RBM20: variants seen among roughly 807,000 people sequenced by gnomAD.
RBM20 encodes RNA-binding protein 20.
Under a neutral mutation model 110.1 loss-of-function variants are expected in RBM20, and 51 were observed. That is an observed-to-expected ratio of 0.46 (90% confidence interval 0.37 to 0.59). The LOEUF (loss-of-function observed/expected upper bound fraction) is 0.59. Ranked by LOEUF, RBM20 falls within the 20% of genes least tolerant of loss-of-function variation. RBM20 has a pLI of 0.00. For missense variants in RBM20, 1,512 were observed against 1,574.9 expected (o/e 0.96, Z 0.68); for synonymous variants, 589 against 618.2 (o/e 0.95, Z 0.70).
At position 110,780,782 on chromosome 10, in the gene RBM20, G is replaced by C; in HGVS notation, c.192-19G>C. ...TCATTGAAAACCAGCTGTGCATCTA[G>C]ACCTCTGTCTTCCCACAGTGCCGCC... On this transcript the variant is annotated intron_variant, in intron 1 of 13. Coordinates refer to ENST00000369519, the MANE Select transcript of RBM20 (RefSeq NM_001134363.3). 1 of 1,495,728 alleles carries C rather than the reference G, an allele frequency of 6.7e-7. No homozygotes were observed. The highest frequency in any genetic ancestry group is 8.9e-7 in the Non-Finnish European group (1 of 1,117,402). 92.7% of individuals were successfully genotyped at this position (1,495,728 alleles called of 1,614,324 possible).
chr10:110,690,605 C>A (rs945842069), intron 1 of RBM20, among the ~76,000 whole-genome samples: 4 of 152,148 alleles, frequency 2.6e-5, no homozygotes, highest in Admixed American at 2.6e-4. Flanking sequence ...ATGAATTTGC[C>A]TATTTTAGGT....
chr10:110,655,652 T>C (rs1862012210), intron 1 of RBM20, among the ~76,000 whole-genome samples: 1 of 152,214 alleles, frequency 6.6e-6, no homozygotes, highest in African/African-American at 2.4e-5. Flanking sequence ...TCAGCTAGTC[T>C]CTGCCAGACA....
At chr10:110,805,830 C>G (rs975191675) in intron 7 of RBM20, among the ~76,000 whole-genome samples, 3 of 152,140 alleles carry the variant, frequency 2.0e-5, no homozygotes, top group African/African-American at 4.8e-5. Flanking sequence ...GTAGTTGGTC[C>G]CTTGTGGGGC....
rs1220240959 is a variant in RBM20, at chr10:110,821,659, G to T, written c.3040G>T (p.Glu1014Ter). ...LDAERKPAES[E>*]TGLSLEDSDC... ...TGCTGAGCGGAAGCCAGCTGAAAGT[G>T]AGACAGGCCTCTCCCTGGAGGATTC... is the stretch of plus-strand genomic sequence containing the variant. Residue 1014 changes from glutamate to a stop codon, truncating the protein, a stop_gained, in exon 11 of 14, where the codon GAG (glutamate) becomes TAG (stop). Coordinates refer to ENST00000369519, the MANE Select transcript of RBM20 (RefSeq NM_001134363.3). LOFTEE classifies it high-confidence loss of function. 1.9e-6 allele frequency: 3 copies of T among 1,551,682 alleles called. No individual in the cohort carries two copies. Among genetic ancestry groups the T allele is most frequent in the Non-Finnish European group, 2.6e-6 (3 of 1,147,026 alleles).
chr10:110,727,638 C>A lies in RBM20; in HGVS notation c.192-53163C>A, dbSNP rs550468387. Reference sequence around the variant, plus strand: ...TTATCAGTTAATTTTGTATATTTTTCTTTTTTTAATTTTACTTTAGGTTCT... The same window carrying A: ...TTATCAGTTAATTTTGTATATTTTTATTTTTTTAATTTTACTTTAGGTTCT... On this transcript the variant is annotated intron_variant, in intron 1 of 13. Transcript: ENST00000369519. Among the ~76,000 whole-genome samples the A allele has an allele frequency of 2.6e-5, 4 of 152,082 alleles. No individual in the cohort carries two copies. In the South Asian group the frequency reaches 8.3e-4, roughly 32 times the overall value.
intron 1 of RBM20, among the ~76,000 whole-genome samples, chr10:110,731,051 A>G (rs562040161): frequency 1.3e-3 from 202 of 152,154 alleles, no homozygotes; most frequent in Non-Finnish European, 2.2e-3. Flanking sequence ...AAGTATTTCC[A>G]GTGGTTCATT....
intron 1 of RBM20, among the ~76,000 whole-genome samples, chr10:110,723,205 TATC>T (rs1325904715): frequency 5.9e-5 from 9 of 151,818 alleles, no homozygotes; most frequent in Admixed American, 5.9e-4. Flanking sequence ...GTAAGTCACA[TATC>T]ATGAAATTCA....
chr10:110,778,931 C>T (rs566396332), intron 1 of RBM20, among the ~76,000 whole-genome samples: 2 of 152,290 alleles, frequency 1.3e-5, no homozygotes, highest in African/African-American at 4.8e-5. Context: ...CAGTAAGATT[C>T]GGTGAGAGTC....
chr10:110,816,438 A>G (rs148293464), intron 9 of RBM20, among the ~76,000 whole-genome samples: 1 of 144,372 alleles, frequency 6.9e-6, no homozygotes, highest in Non-Finnish European at 1.5e-5. Context: ...CCATCTCAAC[A>G]CCCCAACCTG....
intron 1 of RBM20, among the ~76,000 whole-genome samples, chr10:110,764,197 T>C (rs185076788): frequency 2.6e-5 from 4 of 152,304 alleles, no homozygotes; most frequent in Admixed American, 2.6e-4. Context: ...CTGATGTAGC[T>C]GGATTGCTAA....
At chr10:110,658,086 A>G (rs1359508402) in intron 1 of RBM20, among the ~76,000 whole-genome samples, 1 of 152,180 alleles carries the variant, frequency 6.6e-6, no homozygotes, top group South Asian at 2.1e-4. Context: ...AATTATGACC[A>G]TGGAAGTCGG....
In RBM20 at chr10:110,781,830, C is replaced by T; in HGVS notation, c.1221C>T (p.Pro407=). The T allele has an allele frequency of 6.4e-7, 1 of 1,551,784 alleles. No individual in the cohort carries two copies. The highest frequency in any genetic ancestry group is 8.7e-7 in the Non-Finnish European group (1 of 1,147,018). The stretch of plus-strand genomic sequence containing the variant: ...TGAACGACTTTCACGGTGTGGCCCC[C>T]CTCCACTTGCCGCATATCTGTAGCA... ...HELNDFHGVA[P]LHLPHICSIC... The change falls in exon 2 of 14, where the codon CCC becomes CCT. Residue 407 remains proline, a synonymous_variant. Transcript: ENST00000369519.
chr10:110,819,957 T>C (rs534885023), intron 9 of RBM20, 115 bp from the exon 10 acceptor site: 16 of 590,174 alleles, frequency 2.7e-5, no homozygotes, highest in Non-Finnish European at 4.1e-5. Flanking sequence ...ATAAAGGAAA[T>C]GCTGTATGTG....
At chr10:110,715,064 A>C (rs1862995238) in intron 1 of RBM20, among the ~76,000 whole-genome samples, 1 of 152,210 alleles carries the variant, frequency 6.6e-6, no homozygotes, top group Admixed American at 6.5e-5. Flanking sequence ...CCTGGTCAAC[A>C]TGGTGAAACC....
intron 6 of RBM20, among the ~76,000 whole-genome samples, chr10:110,797,882 G>T (rs1027649779): frequency 2.0e-5 from 3 of 152,162 alleles, no homozygotes; most frequent in Non-Finnish European, 4.4e-5. Flanking sequence ...GAGGTGAGAG[G>T]AGATGCTTTG....
intron 5 of RBM20, among the ~76,000 whole-genome samples, chr10:110,791,079 T>C (rs577481046): frequency 6.6e-6 from 1 of 152,342 alleles, no homozygotes; most frequent in African/African-American, 2.4e-5. Context: ...CTATAAAATA[T>C]TTGAAAGCAT....
At chr10:110,727,184 A>C (rs191653395) in intron 1 of RBM20, among the ~76,000 whole-genome samples, 1 of 132,080 alleles carries the variant, frequency 7.6e-6, no homozygotes, top group Admixed American at 8.0e-5. Flanking sequence ...CTATTAAGAA[A>C]TTCCCCCTTT....
chr10:110,735,258 C>G, intron 1 of RBM20, among the ~76,000 whole-genome samples: 1 of 152,098 alleles, frequency 6.6e-6, no homozygotes, highest in East Asian at 1.9e-4. Flanking sequence ...TGGTACTATC[C>G]AAGGTTTCTG....
intron 13 of RBM20, among the ~76,000 whole-genome samples, chr10:110,832,986 T>C (rs1205817080): frequency 1.3e-5 from 2 of 152,132 alleles, no homozygotes; most frequent in Non-Finnish European, 2.9e-5. Context: ...CAATCCCTTT[T>C]CCCAACAAGA....
Sources: gnomAD v4.1 joint callset for allele counts (sites outside exome capture counted in the v4.1 genomes callset) on GRCh38, gnomAD v4.1.1 for gene constraint, MANE v1.5 for transcripts, NCBI Gene and HGNC (gene_info 2026-07-23, HGNC 2026-07-21) for gene names.